Variants in SOX6 observed in about 807,000 individuals in gnomAD.
SOX6 encodes the protein transcription factor SOX-6.
A neutral mutation model predicts 97.8 loss-of-function variants in SOX6; 11 were observed. That is an observed-to-expected ratio of 0.11 (90% CI 0.07 to 0.19). The LOEUF (loss-of-function observed/expected upper bound fraction) is 0.19, where lower values mean the gene tolerates loss of function less well. Among genes scored for constraint, SOX6 ranks in the 10% least tolerant of loss-of-function variants. The pLI is 1.00. For missense variants in SOX6, 810 were observed against 1,039.5 expected (o/e 0.78, Z 3.04); for synonymous variants, 360 against 371.4 (o/e 0.97, Z 0.35).
chr11:16,180,873 A>G (rs1175408677), intron 6 of SOX6, among the ~76,000 whole-genome samples: 2 of 151,818 alleles, frequency 1.3e-5, no homozygotes, highest in Non-Finnish European at 2.9e-5. Context: ...ATAAGTTCTG[A>G]ATAATTGCAA....
intron 4 of SOX6, among the ~76,000 whole-genome samples, chr11:16,487,963 G>A (rs895068971): frequency 6.6e-6 from 1 of 152,096 alleles, no homozygotes; most frequent in African/African-American, 2.4e-5. Flanking sequence ...ATTATCAACT[G>A]GATACAGACC....
rs561705175 is a variant in SOX6 at position 16,485,031 on chromosome 11, C to A, written n.610-8643G>T. On this transcript the variant is annotated intron_variant and non_coding_transcript_variant, in intron 4 of 5. Transcript: ENST00000524520. ...ACACTTTCATGTAACATACCCTAAGCCTACTTTAATAAATTATATGGTCAG... is the reference window on the plus strand; with the variant it reads ...ACACTTTCATGTAACATACCCTAAGACTACTTTAATAAATTATATGGTCAG... Among the ~76,000 whole-genome samples the A allele has an allele frequency of 2.8e-4, 43 of 152,192 alleles. 1 individual carries two copies. The Middle Eastern group carries it at 0.01, about 36-fold the overall frequency.
intron 3 of SOX6, among the ~76,000 whole-genome samples, chr11:16,708,676 A>T (rs1300156274): frequency 6.6e-6 from 1 of 152,194 alleles, no homozygotes; most frequent in Non-Finnish European, 1.5e-5. Context: ...CTACTCATTA[A>T]ATTATAAACT....
intron 3 of SOX6, among the ~76,000 whole-genome samples, chr11:16,301,694 T>C (rs575268333): frequency 3.9e-4 from 60 of 152,216 alleles, no homozygotes; most frequent in African/African-American, 1.4e-3. Context: ...GAATGATAGA[T>C]TATGGAGTTT....
chr11:16,513,357 G>A (rs529016704), intron 4 of SOX6, among the ~76,000 whole-genome samples: 1 of 152,350 alleles, frequency 6.6e-6, no homozygotes, highest in Admixed American at 6.5e-5. Flanking sequence ...AGGGGGCCGG[G>A]CACAGTGGCT....
intron 3 of SOX6, among the ~76,000 whole-genome samples, chr11:16,652,193 A>T (rs1847663247): frequency 6.6e-6 from 1 of 152,194 alleles, no homozygotes; most frequent in South Asian, 2.1e-4. Context: ...AGCCAAAAGC[A>T]AGCTACAGAT....
chr11:16,422,279 T>C (rs191780371), intron 1 of SOX6, among the ~76,000 whole-genome samples: 1 of 152,358 alleles, frequency 6.6e-6, no homozygotes, highest in Admixed American at 6.5e-5. Context: ...ACAGTTTATG[T>C]CTCTTAACAA....
chr11:16,226,575 C>G (rs147204279), intron 4 of SOX6, among the ~76,000 whole-genome samples: 1 of 152,182 alleles, frequency 6.6e-6, no homozygotes, highest in Admixed American at 6.5e-5. Context: ...AATGAATCCT[C>G]ATGCTCTAGA....
At chr11:16,369,685 C>G (rs553738258) in intron 1 of SOX6, among the ~76,000 whole-genome samples, 3 of 152,232 alleles carry the variant, frequency 2.0e-5, no homozygotes, top group Non-Finnish European at 2.9e-5. Context: ...AGAATGAGGT[C>G]TCAAAATTTT....
chr11:16,032,303 C>A (rs1042098669), intron 12 of SOX6, among the ~76,000 whole-genome samples: 1 of 151,888 alleles, frequency 6.6e-6, no homozygotes, highest in Non-Finnish European at 1.5e-5. Context: ...GGGTTTTGTT[C>A]GATTTGTTAG....
chr11:16,350,685 C>T (rs1211484165), intron 1 of SOX6, among the ~76,000 whole-genome samples: 5 of 152,086 alleles, frequency 3.3e-5, no homozygotes, highest in Non-Finnish European at 7.4e-5. Flanking sequence ...ATCTTTCAGA[C>T]CCTGGGAGAT....
At chr11:16,060,710 T>C (rs1266373269) in intron 9 of SOX6, among the ~76,000 whole-genome samples, 1 of 151,888 alleles carries the variant, frequency 6.6e-6, no homozygotes, top group Non-Finnish European at 1.5e-5. Context: ...ATTTGTTCCA[T>C]GTGTAAGACT....
intron 11 of SOX6, among the ~76,000 whole-genome samples, chr11:16,048,890 T>C (rs1590159300): frequency 6.6e-6 from 1 of 152,258 alleles, no homozygotes; most frequent in East Asian, 1.9e-4. Context: ...ATAATGTTAA[T>C]GCTTATTCGG....
intron 4 of SOX6, among the ~76,000 whole-genome samples, chr11:16,549,986 T>A (rs1841567587): frequency 6.6e-6 from 1 of 152,120 alleles, no homozygotes; most frequent in African/African-American, 2.4e-5. Flanking sequence ...TTGGAGATGA[T>A]GAAAATAATC....
chr11:16,451,812 T>C (rs988836520), intron 1 of SOX6, among the ~76,000 whole-genome samples: 1 of 151,878 alleles, frequency 6.6e-6, no homozygotes, highest in Non-Finnish European at 1.5e-5. Flanking sequence ...GGAGAAAGGA[T>C]TGCTTGAGCC....
chr11:16,705,389 T>C (rs556043773), intron 3 of SOX6, among the ~76,000 whole-genome samples: 2 of 152,102 alleles, frequency 1.3e-5, no homozygotes, highest in East Asian at 3.9e-4. Flanking sequence ...CTTTGGAAGG[T>C]CGAGGCAGGA....
intron 1 of SOX6, among the ~76,000 whole-genome samples, chr11:16,390,946 C>A (rs564748184): frequency 3.3e-5 from 5 of 152,098 alleles, no homozygotes; most frequent in African/African-American, 4.8e-5. Context: ...CCAACCCAAA[C>A]GTCCATCAAT....
chr11:16,411,019 G>A (rs1220464299), intron 1 of SOX6, among the ~76,000 whole-genome samples: 1 of 151,524 alleles, frequency 6.6e-6, no homozygotes, highest in African/African-American at 2.4e-5. Context: ...ATCACACATA[G>A]AAGGGTTAAA....
intron 3 of SOX6, among the ~76,000 whole-genome samples, chr11:16,239,689 T>C (rs965504291): frequency 6.6e-6 from 1 of 152,064 alleles, no homozygotes; most frequent in African/African-American, 2.4e-5. Context: ...AGCAGGGCAA[T>C]GATATAAACA....
Sources: allele counts gnomAD v4.1 joint callset (sites outside exome capture counted in the v4.1 genomes callset), GRCh38; gene constraint gnomAD v4.1.1; transcripts MANE v1.5; gene names NCBI Gene and HGNC (gene_info 2026-07-23, HGNC 2026-07-21).